ALG9: variants seen among roughly 807,000 people sequenced by gnomAD.
ALG9 encodes alpha-1,2-mannosyltransferase ALG9.
A neutral mutation model predicts 81.8 loss-of-function variants in ALG9; 55 were observed. That is an observed-to-expected ratio of 0.67 (90% CI 0.54 to 0.84). ALG9 has a LOEUF of 0.84. Among genes scored for constraint, ALG9 ranks in the 40% least tolerant of loss-of-function variants. The pLI, the probability that ALG9 is intolerant of heterozygous loss-of-function variation, is 0.00. For missense variants in ALG9, 629 were observed against 745.0 expected (o/e 0.84, Z 1.81); for synonymous variants, 278 against 274.3 (o/e 1.01, Z -0.13).
At chr11:111,817,502 A>G (rs930371228) in intron 13 of ALG9, 3 of 151,292 alleles carry the variant, frequency 2.0e-5, no homozygotes, top group Non-Finnish European at 4.4e-5. Flanking sequence ...ACTCTGACTC[A>G]AAAAAAAATA....
chr11:111,778,994 A>G (rs1332829557), downstream of ALG9, among the ~76,000 whole-genome samples: 1 of 152,022 alleles, frequency 6.6e-6, no homozygotes, highest in African/African-American at 2.4e-5. Context: ...TTGTATTTTT[A>G]GTAGAGACAG....
chr11:111,780,157 G>A (rs1416669918), downstream of ALG9, among the ~76,000 whole-genome samples: 5 of 152,096 alleles, frequency 3.3e-5, no homozygotes, highest in East Asian at 7.7e-4. Flanking sequence ...GAGGCTTTCT[G>A]ACCCAAACTT....
chr11:111,778,845 G>A (rs1483410765), downstream of ALG9, among the ~76,000 whole-genome samples: 2 of 145,944 alleles, frequency 1.4e-5, no homozygotes, highest in African/African-American at 5.1e-5. Context: ...ACAGAGTTTC[G>A]CTCTTGTTGC....
At chr11:111,772,826 C>T in the ALG9 span, among the ~76,000 whole-genome samples, 1 of 152,286 alleles carries the variant, frequency 6.6e-6, no homozygotes, top group East Asian at 1.9e-4. Context: ...GTCAGAATAC[C>T]TGTTCCAGAA....
At chr11:111,849,394 G>A (rs1303837081) in intron 8 of ALG9, 3 of 152,132 alleles carry the variant, frequency 2.0e-5, no homozygotes, top group Non-Finnish European at 4.4e-5. Context: ...ATCCAGTCAA[G>A]AAATATTAAT....
At chr11:111,851,550 A>T (rs1555138464) in intron 8 of ALG9, among the ~76,000 whole-genome samples, 1 of 152,134 alleles carries the variant, frequency 6.6e-6, no homozygotes, top group Non-Finnish European at 1.5e-5. Flanking sequence ...TCACTTTCAT[A>T]AGTCTCTCAC....
chr11:111,817,795 T>TTTA (rs1951735102), intron 13 of ALG9, among the ~76,000 whole-genome samples: 2 of 150,172 alleles, frequency 1.3e-5, no homozygotes, highest in South Asian at 2.1e-4. Context: ...TTTTTTTTTT[T>TTTA]GAGACAGATT....
the ALG9 span, among the ~76,000 whole-genome samples, chr11:111,768,319 AT>A: frequency 1.3e-5 from 2 of 152,156 alleles, no homozygotes; most frequent in Non-Finnish European, 2.9e-5. Flanking sequence ...TTACTATAAT[AT>A]TTTTAATTGA....
At chr11:111,849,534 T>A (rs184529928) in intron 8 of ALG9, 1 of 152,216 alleles carries the variant, frequency 6.6e-6, no homozygotes, top group Non-Finnish European at 1.5e-5. Context: ...GTTACATAGG[T>A]AAACTTGAGC....
chr11:111,772,008 T>C, the ALG9 span, among the ~76,000 whole-genome samples: 4 of 152,198 alleles, frequency 2.6e-5, no homozygotes, highest in Admixed American at 1.3e-4. Flanking sequence ...TAATCAGGGA[T>C]TATTGCTACT....
At chr11:111,814,252 C>A (rs1464301309) in intron 13 of ALG9, among the ~76,000 whole-genome samples, 2 of 152,112 alleles carry the variant, frequency 1.3e-5, no homozygotes, top group East Asian at 3.8e-4. Flanking sequence ...AAGATCAAGA[C>A]ACAAAAGGAT....
At chr11:111,805,275 A>C (rs1555084029) in intron 14 of ALG9, 1 of 456,196 alleles carries the variant, frequency 2.2e-6, no homozygotes, top group Non-Finnish European at 4.4e-6. Context: ...CCAGAACTTG[A>C]CTATACTGGC....
chr11:111,823,935 C>A (rs1306988564), intron 13 of ALG9, among the ~76,000 whole-genome samples: 1 of 152,188 alleles, frequency 6.6e-6, no homozygotes, highest in African/African-American at 2.4e-5. Flanking sequence ...TGAATTGCAA[C>A]TATTTGTCCC....
At position 111,786,197 on chromosome 11, in the gene ALG9, G is replaced by C; in HGVS notation, c.*200C>G. ...CCTAGCTGCAAAAAGTTTACATGCAGAACAGAGACACACACAGGGAGCAAA... is the reference window on the plus strand; with the variant it reads ...CCTAGCTGCAAAAAGTTTACATGCACAACAGAGACACACACAGGGAGCAAA... On this transcript the variant is annotated 3_prime_UTR_variant, in exon 15 of 15. Transcript: ENST00000616540. The C allele has an allele frequency of 1.3e-6, 1 of 787,158 alleles. No individual in the cohort carries two copies. The highest frequency in any genetic ancestry group is 2.0e-5 in the Admixed American group (1 of 48,914). The allele number at this position is 787,158 out of a possible 1,614,324, so 48.8% of individuals were successfully genotyped here.
chr11:111,791,376 G>A (rs1947381786), intron 14 of ALG9, among the ~76,000 whole-genome samples: 1 of 152,238 alleles, frequency 6.6e-6, no homozygotes, highest in African/African-American at 2.4e-5. Context: ...GGGTAGGTAA[G>A]TGTATAAGCA....
chr11:111,791,108 T>C (rs1344720585), intron 14 of ALG9, among the ~76,000 whole-genome samples: 5 of 152,342 alleles, frequency 3.3e-5, no homozygotes, highest in Non-Finnish European at 7.4e-5. Flanking sequence ...AATTTTTAAA[T>C]AAAGGAAACC....
intron 14 of ALG9, among the ~76,000 whole-genome samples, chr11:111,795,819 G>C (rs540247661): frequency 2.6e-5 from 4 of 152,292 alleles, no homozygotes; most frequent in African/African-American, 9.6e-5. Flanking sequence ...TGAGGAACTG[G>C]GGAAAAATGC....
intron 14 of ALG9, among the ~76,000 whole-genome samples, chr11:111,799,407 C>G (rs1467700924): frequency 6.6e-6 from 1 of 151,370 alleles, no homozygotes; most frequent in Non-Finnish European, 1.5e-5. Context: ...TCCCAAAGTC[C>G]TGGGATTACA....
intron 10 of ALG9, among the ~76,000 whole-genome samples, chr11:111,840,235 G>A (rs1023263688): frequency 6.6e-6 from 1 of 152,190 alleles, no homozygotes; most frequent in Admixed American, 6.5e-5. Context: ...GAGTTAAGAT[G>A]AGCTCTGCCA....
Sources: allele counts gnomAD v4.1 joint callset (sites outside exome capture counted in the v4.1 genomes callset), GRCh38; gene constraint gnomAD v4.1.1; transcripts MANE v1.5; gene names NCBI Gene and HGNC (gene_info 2026-07-23, HGNC 2026-07-21).